Variants in AHCY observed in about 807,000 individuals in gnomAD.
AHCY encodes adenosylhomocysteinase, also known as S-adenosyl-L-homocysteine hydrolase.
In AHCY, 24 loss-of-function variants were observed where a neutral mutation model predicts 45.4. That is an observed-to-expected ratio of 0.53 (90% CI 0.38 to 0.74). AHCY has a LOEUF of 0.74. AHCY is among the 30% of genes least tolerant of loss of function. The probability of loss-of-function intolerance (pLI) is 0.00; values close to 1 mark genes in which losing one functional copy is unlikely to be tolerated. For missense variants in AHCY, 449 were observed against 594.1 expected (o/e 0.76, Z 2.54); for synonymous variants, 245 against 235.1 (o/e 1.04, Z -0.39).
intron 1 of AHCY, chr20:34,302,724 C>G (rs1245145710): frequency 1.0e-6 from 1 of 988,756 alleles, no homozygotes; most frequent in Non-Finnish European, 1.2e-6. Context: ...GGTTGGGTAA[C>G]TGGCCCAAAG....
chr20:34,279,185 C>A (rs184614509), downstream of AHCY, among the ~76,000 whole-genome samples: 225 of 146,752 alleles, frequency 1.5e-3, no homozygotes, highest in African/African-American at 5.5e-3. Context: ...GTGGCCGAGG[C>A]GGGTGGATCA....
At chr20:34,247,309 T>C in the AHCY span, among the ~76,000 whole-genome samples, 1 of 151,136 alleles carries the variant, frequency 6.6e-6, no homozygotes, top group Non-Finnish European at 1.5e-5. Flanking sequence ...GCTTTTTTTT[T>C]TTTTTTTTTG....
At chr20:34,246,821 A>G in the AHCY span, among the ~76,000 whole-genome samples, 2 of 152,016 alleles carry the variant, frequency 1.3e-5, no homozygotes, top group South Asian at 2.1e-4. Context: ...ATTAACTCCA[A>G]TTCCCACAAC....
chr20:34,290,952 G>A lies in AHCY; in HGVS notation c.559-14C>T. 6.2e-7 allele frequency: 1 copy of A among 1,613,668 alleles called. No homozygotes were observed. The highest frequency in any genetic ancestry group is 8.5e-7 in the Non-Finnish European group (1 of 1,179,746). On this transcript the variant is annotated splice_polypyrimidine_tract_variant and intron_variant, in intron 5 of 9. Transcript: ENST00000217426. This position sits in a 1 kb window ranked among gnomAD's most constrained non-coding sequence, Gnocchi z 4.5. The stretch of plus-strand genomic sequence containing the variant: ...GTCAAACTTGCTCTGAAAGGAAAGG[G>A]GGTAAGGAGACAATAGGGGCAGGCA...
upstream of AHCY, among the ~76,000 whole-genome samples, chr20:34,304,215 C>T (rs1282019630): frequency 2.0e-5 from 3 of 152,090 alleles, no homozygotes; most frequent in Admixed American, 6.6e-5. Context: ...TTTCTGTGAG[C>T]ATTATATTTA....
intron 3 of AHCY, 111 bp downstream of exon 3, chr20:34,293,970 A>G (rs775107898): frequency 1.5e-5 from 16 of 1,092,360 alleles, no homozygotes; most frequent in Admixed American, 3.9e-5. Context: ...TGTGGCGGTG[A>G]CTCCTCTCCC....
chr20:34,297,517 T>G (rs2036613696), intron 1 of AHCY, among the ~76,000 whole-genome samples: 1 of 152,012 alleles, frequency 6.6e-6, no homozygotes, highest in Non-Finnish European at 1.5e-5. Context: ...AGGCTGATCT[T>G]GAACTCCTGG....
At chr20:34,302,849 C>G in intron 1 of AHCY, 27 of 985,452 alleles carry the variant, frequency 2.7e-5, no homozygotes, top group Non-Finnish European at 3.3e-5. Flanking sequence ...GGGGTGGACG[C>G]TCGTCGGGGC....
chr20:34,309,240 G>T (rs562080270), intron 1 of AHCY, among the ~76,000 whole-genome samples: 1 of 152,092 alleles, frequency 6.6e-6, no homozygotes, highest in Non-Finnish European at 1.5e-5. Context: ...GATTACAGGC[G>T]TGAGCCACCA....
At chr20:34,279,111 A>AC (rs2035939703), downstream of AHCY, among the ~76,000 whole-genome samples, 1 of 4,468 alleles carries the variant, frequency 2.2e-4, no homozygotes, top group Non-Finnish European at 7.2e-4. Context: ...CTCCGTCTCA[A>AC]AAAAAAAAAA....
the AHCY span, among the ~76,000 whole-genome samples, chr20:34,235,896 A>G: frequency 1.4e-4 from 13 of 95,786 alleles, no homozygotes; most frequent in African/African-American, 1.5e-3. Context: ...GAAGGAAGGA[A>G]GGAAAGGAAG....
chr20:34,257,942 G>T, the AHCY span, among the ~76,000 whole-genome samples: 3 of 152,166 alleles, frequency 2.0e-5, no homozygotes, highest in Admixed American at 6.6e-5. Flanking sequence ...TCAGGAGTTT[G>T]AGATCAGCTT....
the AHCY span, chr20:34,269,110 C>A: frequency 2.6e-6 from 4 of 1,565,632 alleles, no homozygotes; most frequent in Non-Finnish European, 3.5e-6. Context: ...GCGCCTCCTG[C>A]CAGTGCCGCT....
At chr20:34,235,767 A>C in the AHCY span, among the ~76,000 whole-genome samples, 1 of 147,836 alleles carries the variant, frequency 6.8e-6, no homozygotes, top group African/African-American at 2.5e-5. Flanking sequence ...CCTGTGTGAC[A>C]GAGTGAGACT....
intron 1 of AHCY, chr20:34,301,944 C>A: frequency 1.0e-6 from 1 of 985,314 alleles, no homozygotes; most frequent in Non-Finnish European, 1.2e-6. Context: ...ACCAGATATA[C>A]AGCAAGTGTT....
At chr20:34,279,144 G>GT (rs1056915030), downstream of AHCY, among the ~76,000 whole-genome samples, 14 of 150,712 alleles carry the variant, frequency 9.3e-5, no homozygotes, top group African/African-American at 3.4e-4. Flanking sequence ...GCCAGGCACG[G>GT]TGGCTCACGC....
chr20:34,234,610 T>G, the AHCY span, among the ~76,000 whole-genome samples: 1 of 152,094 alleles, frequency 6.6e-6, no homozygotes, highest in Non-Finnish European at 1.5e-5. Context: ...TAAACCAGCC[T>G]GACCAACATG....
the AHCY span, among the ~76,000 whole-genome samples, chr20:34,240,684 G>T: frequency 2.0e-5 from 3 of 152,164 alleles, no homozygotes; most frequent in East Asian, 3.8e-4. Context: ...AGCTGAATTA[G>T]ACCCTTCTTT....
chr20:34,295,986 TCA>T (rs1279512194), intron 1 of AHCY, among the ~76,000 whole-genome samples: 1 of 151,966 alleles, frequency 6.6e-6, no homozygotes, highest in African/African-American at 2.4e-5. Flanking sequence ...TCTTCCTCTC[TCA>T]GTCATCACTC....
Sources: allele counts gnomAD v4.1 joint callset (sites outside exome capture counted in the v4.1 genomes callset), GRCh38; gene constraint gnomAD v4.1.1; non-coding constraint Gnocchi (gnomAD v3.1); transcripts MANE v1.5; gene names NCBI Gene and HGNC (gene_info 2026-07-23, HGNC 2026-07-21).